Variants in TRIM33 observed in about 807,000 individuals in gnomAD.
TRIM33 encodes E3 ubiquitin-protein ligase TRIM33.
A neutral mutation model predicts 125.4 loss-of-function variants in TRIM33; 20 were observed. The ratio of observed to expected loss-of-function variants is 0.16; its 90% confidence interval spans 0.11 to 0.23. TRIM33 has a LOEUF of 0.23. TRIM33 is among the 10% of genes least tolerant of loss of function. TRIM33 has a pLI of 1.00. For missense variants in TRIM33, 920 were observed against 1,411.4 expected, an observed-to-expected ratio of 0.65 and a Z score of 5.58; for synonymous variants, 564 against 513.9, an observed-to-expected ratio of 1.10 and a Z score of -1.32.
intron 4 of TRIM33, among the ~76,000 whole-genome samples, chr1:114,454,198 G>C (rs1023068562): frequency 6.6e-6 from 1 of 152,108 alleles, no homozygotes; most frequent in African/African-American, 2.4e-5. Flanking sequence ...TAAAACAGGT[G>C]GTTTGCGAAG....
intron 18 of TRIM33, among the ~76,000 whole-genome samples, chr1:114,398,462 T>C (rs1449942042): frequency 6.6e-6 from 1 of 152,186 alleles, no homozygotes; most frequent in Non-Finnish European, 1.5e-5. Flanking sequence ...GAAAATAATT[T>C]AACTGCACTG....
chr1:114,437,363 G>A (rs187111678), intron 4 of TRIM33, among the ~76,000 whole-genome samples: 3 of 151,986 alleles, frequency 2.0e-5, no homozygotes, highest in East Asian at 1.9e-4. Flanking sequence ...ATTTAGAGAC[G>A]GAGTCTCGCT....
chr1:114,441,835 T>C (rs776267084), intron 4 of TRIM33, among the ~76,000 whole-genome samples: 34 of 152,254 alleles, frequency 2.2e-4, no homozygotes, highest in Non-Finnish European at 4.7e-4. Flanking sequence ...CTTAGCCATA[T>C]GGAATTATTC....
At chr1:114,478,524 G>A (rs1016659776) in intron 1 of TRIM33, among the ~76,000 whole-genome samples, 1 of 151,878 alleles carries the variant, frequency 6.6e-6, no homozygotes, top group African/African-American at 2.4e-5. Context: ...ACCAAAGGGA[G>A]ACACAAGAAA....
At chr1:114,484,172 A>G (rs1481699755) in intron 1 of TRIM33, among the ~76,000 whole-genome samples, 1 of 152,212 alleles carries the variant, frequency 6.6e-6, no homozygotes, top group Non-Finnish European at 1.5e-5. Flanking sequence ...AGAGCTTGTT[A>G]GTGTGTTGTT....
At chr1:114,499,795 G>A (rs1159008038) in intron 1 of TRIM33, among the ~76,000 whole-genome samples, 1 of 152,092 alleles carries the variant, frequency 6.6e-6, no homozygotes, top group African/African-American at 2.4e-5. Flanking sequence ...GAAGCAAGCA[G>A]TAAAATAAGA....
chr1:114,493,221 G>T (rs1235316012), intron 1 of TRIM33, among the ~76,000 whole-genome samples: 1 of 152,102 alleles, frequency 6.6e-6, no homozygotes, highest in African/African-American at 2.4e-5. Flanking sequence ...TGTCTATTCA[G>T]ATCTTTTGCC....
rs1165618140 is a variant in TRIM33, at chr1:114,397,148, A to C, written c.*500T>G. The C allele has an allele frequency of 4.4e-6, 1 of 228,754 alleles. No individual in the cohort carries two copies. The highest frequency in any genetic ancestry group is 2.2e-5 in the African/African-American group (1 of 44,862). 14.2% of individuals were successfully genotyped at this position (228,754 alleles called of 1,614,324 possible). Reference sequence around the variant, plus strand: ...CATGATTCAATGCAAATCTGCACTGACATTAAAGTAGAATCTGAGCTACTT... The same window carrying C: ...CATGATTCAATGCAAATCTGCACTGCCATTAAAGTAGAATCTGAGCTACTT... On this transcript the variant is annotated 3_prime_UTR_variant, in exon 20 of 20. Coordinates refer to ENST00000358465, the MANE Select transcript of TRIM33 (RefSeq NM_015906.4).
chr1:114,446,014 C>G (rs1404556442), intron 4 of TRIM33, among the ~76,000 whole-genome samples: 2 of 152,120 alleles, frequency 1.3e-5, no homozygotes, highest in Non-Finnish European at 2.9e-5. Context: ...CATGTTCCCA[C>G]GCCCAGCTAA....
chr1:114,393,226 A>T lies in TRIM33; in HGVS notation c.*4422T>A, dbSNP rs572070754. The T allele has an allele frequency of 4.7e-6, 1 of 211,902 alleles. No individual in the cohort carries two copies. The highest frequency in any genetic ancestry group is 9.6e-6 in the Non-Finnish European group (1 of 104,164). The allele number at this position is 211,902 out of a possible 1,614,324, so 13.1% of individuals were successfully genotyped here. ...CGTGTGTAGGTATGTCTACATAAAAAATTAACAGGCTTTCAAATTGCACAA... is the reference window on the plus strand; with the variant it reads ...CGTGTGTAGGTATGTCTACATAAAATATTAACAGGCTTTCAAATTGCACAA... On this transcript the variant is annotated 3_prime_UTR_variant, in exon 20 of 20. Coordinates refer to ENST00000358465, the MANE Select transcript of TRIM33 (RefSeq NM_015906.4).
At chr1:114,481,574 G>C (rs1451037756) in intron 1 of TRIM33, among the ~76,000 whole-genome samples, 1 of 150,172 alleles carries the variant, frequency 6.7e-6, no homozygotes, top group Non-Finnish European at 1.5e-5. Flanking sequence ...CTGGGCAACA[G>C]AGTGAGACAC....
rs1651599424 is a variant in TRIM33, at chr1:114,397,481, T to C, written c.*167A>G. ...CTTTCTTGACAAGAATGTGTTTCTG[T>C]CCATTATTTCAATCTAATACTGTGT... On this transcript the variant is annotated 3_prime_UTR_variant, in exon 20 of 20. Transcript: ENST00000358465. 3 of 565,790 alleles carry C rather than the reference T, an allele frequency of 5.3e-6. No individual in the cohort carries two copies. Among genetic ancestry groups the C allele is most frequent in the East Asian group, 2.8e-5 (1 of 35,144 alleles). 35.0% of individuals were successfully genotyped at this position (565,790 alleles called of 1,614,324 possible).
intron 4 of TRIM33, chr1:114,460,017 G>T: frequency 6.1e-6 from 1 of 164,126 alleles, no homozygotes; most frequent in South Asian, 1.5e-4. Flanking sequence ...TTCATAGGAA[G>T]ATTATGTCCT....
At chr1:114,461,261 T>C (rs1302276338) in intron 4 of TRIM33, among the ~76,000 whole-genome samples, 4 of 146,132 alleles carry the variant, frequency 2.7e-5, no homozygotes, top group African/African-American at 1.0e-4. Flanking sequence ...TTATATTTTA[T>C]ATATATTATA....
rs1021501472 is a variant in TRIM33 at position 114,437,875 on chromosome 1, G to A, written c.924-4142C>T. 5.3e-5 allele frequency among the ~76,000 whole-genome samples: 8 copies of A among 152,086 alleles called. 1 individual carries two copies. The South Asian group carries it at 1.4e-3, about 28-fold the overall frequency. On this transcript the variant is annotated intron_variant, in intron 4 of 19. Transcript: ENST00000358465. ...TGAGATATAAATTATATTTAATACA[G>A]TTTTGTAAGAAGTTTATGAAAATAT...
chr1:114,432,013 A>G (rs1410405559), intron 5 of TRIM33, among the ~76,000 whole-genome samples: 1 of 152,210 alleles, frequency 6.6e-6, no homozygotes, highest in African/African-American at 2.4e-5. Context: ...CTGTATGTTC[A>G]GTTTTGAAGA....
chr1:114,473,980 C>G (rs1256503149), intron 1 of TRIM33, among the ~76,000 whole-genome samples: 1 of 152,076 alleles, frequency 6.6e-6, no homozygotes, highest in African/African-American at 2.4e-5. Flanking sequence ...CTCACTGCAG[C>G]CTCAACCTCC....
chr1:114,450,181 C>T (rs190566161), intron 4 of TRIM33, among the ~76,000 whole-genome samples: 131 of 152,264 alleles, frequency 8.6e-4, no homozygotes, highest in African/African-American at 2.8e-3. Context: ...CGCTTGCACC[C>T]GGCAGGGGCA....
At chr1:114,429,387 T>G (rs1434050590) in intron 6 of TRIM33, among the ~76,000 whole-genome samples, 1 of 151,760 alleles carries the variant, frequency 6.6e-6, no homozygotes, top group African/African-American at 2.4e-5. Flanking sequence ...GAGATGGGGT[T>G]TCACCATGTT....
Sources: gnomAD v4.1 joint callset for allele counts (sites outside exome capture counted in the v4.1 genomes callset) on GRCh38, gnomAD v4.1.1 for gene constraint, MANE v1.5 for transcripts, NCBI Gene and HGNC (gene_info 2026-07-23, HGNC 2026-07-21) for gene names.